The following EXOC1 variants were observed in gnomAD, a reference collection of about 807,000 sequenced individuals.
The protein encoded by EXOC1 is exocyst complex component 1, also known as SEC3-like 1.
In EXOC1, 67 loss-of-function variants were observed where a neutral mutation model predicts 107.7. The ratio of observed to expected loss-of-function variants is 0.62; its 90% CI spans 0.51 to 0.76. EXOC1 has a LOEUF of 0.76. EXOC1 is among the 30% of genes least tolerant of loss of function. The pLI is 0.00. For synonymous variants in EXOC1, 348 were observed against 353.5 expected (o/e 0.98, Z 0.17); for missense variants, 833 against 1,055.7 (o/e 0.79, Z 2.92).
At chr4:55,888,716 A>G (rs969847776) in intron 10 of EXOC1, 172 bp from the exon 11 acceptor site, 3 of 598,466 alleles carry the variant, frequency 5.0e-6, no homozygotes, top group Non-Finnish European at 8.9e-6. Flanking sequence ...AATTTCTCAA[A>G]CAGTAGGTGA....
Position 55,902,435 on chromosome 4 carries a change from G to C in EXOC1, c.2429G>C (p.Arg810Pro), listed in dbSNP as rs770669428. 6.3e-7 allele frequency: 1 copy of C among 1,590,514 alleles called. No homozygotes were observed. Among genetic ancestry groups the C allele is most frequent in the Non-Finnish European group, 8.5e-7 (1 of 1,169,926 alleles). Residue 810 changes from arginine to proline, a missense_variant, in exon 18 of 19, where the codon CGT becomes CCT. This residue lies in a region of EXOC1 where 216 missense variants were observed against 354.4 expected (regional missense o/e 0.61). Transcript: ENST00000381295. Reference sequence around the variant, plus strand: ...CTTGCATTTAACAAACAAGAACTTCGTAAAGTCATTAAGGAGTACCCTGGA... The same window carrying C: ...CTTGCATTTAACAAACAAGAACTTCCTAAAGTCATTAAGGAGTACCCTGGA... ...YQLAFNKQELRKVIKEYPGKE... is the reference protein window; with the variant it reads ...YQLAFNKQELPKVIKEYPGKE...
chr4:55,869,679 C>G (rs1271524519), intron 5 of EXOC1, among the ~76,000 whole-genome samples: 4 of 152,100 alleles, frequency 2.6e-5, no homozygotes, highest in African/African-American at 9.7e-5. Flanking sequence ...GATTCAAACC[C>G]CAGCTCTGTT....
chr4:55,899,384 A>C (rs908695673), intron 16 of EXOC1, among the ~76,000 whole-genome samples: 3 of 152,154 alleles, frequency 2.0e-5, no homozygotes, highest in Admixed American at 6.5e-5. Flanking sequence ...TAAATTTCAT[A>C]TATTAAAATG....
chr4:55,860,385 A>G (rs372383439), intron 2 of EXOC1, 26 bp from the exon 3 acceptor site: 66 of 1,611,974 alleles, frequency 4.1e-5, no homozygotes, highest in Non-Finnish European at 5.3e-5. Context: ...AATATTTCTA[A>G]TAAAAGTGTG....
chr4:55,865,353 C>T (rs983331974), intron 4 of EXOC1, among the ~76,000 whole-genome samples: 1 of 152,040 alleles, frequency 6.6e-6, no homozygotes, highest in African/African-American at 2.4e-5. Flanking sequence ...AATCAGTGAG[C>T]CTGCTGCTGA....
intron 4 of EXOC1, among the ~76,000 whole-genome samples, chr4:55,866,662 CAG>C (rs1721983996): frequency 6.6e-6 from 1 of 152,064 alleles, no homozygotes; most frequent in Non-Finnish European, 1.5e-5. Context: ...TAGTCACTAT[CAG>C]AAAGTGAATA....
chr4:55,870,887 T>A lies in EXOC1; in HGVS notation c.813T>A (p.Ser271=). The change falls in exon 6 of 19, where the codon TCT becomes TCA. Residue 271 remains serine (S), a synonymous_variant. Coordinates refer to ENST00000381295, the MANE Select transcript of EXOC1 (RefSeq NM_001024924.2). ...LSNTNNVKLL[S]EIEFLVNHMD... Reference sequence around the variant, plus strand: ...ACACTAATAATGTAAAACTCCTATCTGAGATAGAGTTCCTTGTGGTAAGTA... The same window carrying A: ...ACACTAATAATGTAAAACTCCTATCAGAGATAGAGTTCCTTGTGGTAAGTA... 6.2e-7 allele frequency: 1 copy of A among 1,613,126 alleles called. No homozygotes were observed. The highest frequency in any genetic ancestry group is 8.5e-7 in the Non-Finnish European group (1 of 1,179,418).
intron 15 of EXOC1, among the ~76,000 whole-genome samples, chr4:55,895,852 A>G (rs564493470): frequency 6.6e-6 from 1 of 152,250 alleles, no homozygotes; most frequent in African/African-American, 2.4e-5. Context: ...ATGCAAATCC[A>G]TATGGAAATG....
At chr4:55,855,146 C>T (rs1720840069) in intron 1 of EXOC1, among the ~76,000 whole-genome samples, 1 of 152,118 alleles carries the variant, frequency 6.6e-6, no homozygotes, top group African/African-American at 2.4e-5. Context: ...ATTAGGAAAA[C>T]GTTGAGTAAA....
intron 9 of EXOC1, among the ~76,000 whole-genome samples, chr4:55,881,147 G>A (rs1328815544): frequency 6.6e-6 from 1 of 152,132 alleles, no homozygotes; most frequent in Non-Finnish European, 1.5e-5. Flanking sequence ...TCTAAGCAAA[G>A]CCCCATTTTT....
At chr4:55,902,619 A>G in intron 18 of EXOC1, 81 bp downstream of exon 18, 3 of 1,150,676 alleles carry the variant, frequency 2.6e-6, no homozygotes, top group Non-Finnish European at 3.5e-6. Flanking sequence ...TAGAAATGCT[A>G]CAGATCTAGA....
intron 9 of EXOC1, among the ~76,000 whole-genome samples, chr4:55,880,602 T>G (rs1448972887): frequency 1.3e-5 from 2 of 152,178 alleles, no homozygotes; most frequent in Admixed American, 6.5e-5. Flanking sequence ...AAGTGCTTTG[T>G]CCCCTAGTGA....
chr4:55,870,628 TTTTG>T lies in EXOC1; in HGVS notation c.604-22_604-19del, dbSNP rs34281712. 4,178 of 1,316,446 alleles carry T rather than the reference TTTTG, an allele frequency of 3.2e-3. 22 individuals carry two copies. The highest frequency in any genetic ancestry group is 0.03 in the African/African-American group (2,008 of 66,046). The allele number at this position is 1,316,446 out of a possible 1,614,324, so 81.5% of individuals were successfully genotyped here. On this transcript the variant is annotated intron_variant, in intron 5 of 18. Coordinates refer to ENST00000381295, the MANE Select transcript of EXOC1 (RefSeq NM_001024924.2). ...TACACATCTAAATAACAAGTATGTT[TTTTG>T]TTTGTTTGTTTGTTTGTTTGTTTGT...
chr4:55,872,329 T>A (rs912948257), intron 8 of EXOC1, among the ~76,000 whole-genome samples: 5 of 152,172 alleles, frequency 3.3e-5, no homozygotes, highest in Non-Finnish European at 7.3e-5. Flanking sequence ...AGGACTTGAT[T>A]CAGTGTTTTA....
chr4:55,870,398 G>A (rs975367318), intron 5 of EXOC1, among the ~76,000 whole-genome samples: 5 of 152,278 alleles, frequency 3.3e-5, no homozygotes, highest in Admixed American at 1.3e-4. Context: ...TGTGCATTCT[G>A]GAACCTTACT....
At chr4:55,883,615 G>T in intron 9 of EXOC1, 1 of 391,074 alleles carries the variant, frequency 2.6e-6, no homozygotes. Flanking sequence ...GGTTATGTTT[G>T]ACTTCATATT....
chr4:55,876,148 A>G (rs767577774), intron 8 of EXOC1: 4 of 985,244 alleles, frequency 4.1e-6, no homozygotes, highest in Non-Finnish European at 4.8e-6. Context: ...GATTTTGTTC[A>G]TCTTTATTGT....
In EXOC1 at chr4:55,864,914, A is replaced by G. The variant is rs73238375; in HGVS notation, c.415+528A>G. Among the ~76,000 whole-genome samples, 864 of 152,340 alleles carry G rather than the reference A, an allele frequency of 5.7e-3. 6 individuals are homozygous for G. Among genetic ancestry groups the G allele is most frequent in the South Asian group, 0.01 (50 of 4,834 alleles). ...CAGAGGGTAGATGTAGTGGTTAAGA[A>G]CATAGCTCTGAAGTCAGACTTCTTG... is the stretch of plus-strand genomic sequence containing the variant. On this transcript the variant is annotated intron_variant, in intron 4 of 18. Transcript: ENST00000381295.
chr4:55,862,871 A>G (rs763171573), intron 3 of EXOC1, among the ~76,000 whole-genome samples: 9 of 152,146 alleles, frequency 5.9e-5, no homozygotes, highest in Non-Finnish European at 1.0e-4. Flanking sequence ...TTGGATGTGA[A>G]GTATACATCC....
Sources: gnomAD v4.1 joint callset for allele counts (sites outside exome capture counted in the v4.1 genomes callset) on GRCh38, gnomAD v4.1.1 for gene constraint, gnomAD v4.1.1 regional missense constraint, MANE v1.5 for transcripts, NCBI Gene and HGNC (gene_info 2026-07-23, HGNC 2026-07-21) for gene names.